Variants in ZNF675 observed in about 807,000 individuals in gnomAD.
ZNF675 encodes the protein zinc finger protein 675, also known as TRAF6 inhibitory zinc finger.
A neutral mutation model predicts 56.1 loss-of-function variants in ZNF675; 36 were observed. The observed-to-expected ratio is 0.64, with a 90% confidence interval of 0.49 to 0.85. ZNF675 has a LOEUF of 0.85. Among genes scored for constraint, ZNF675 ranks in the 40% least tolerant of loss-of-function variants. The pLI, the probability that ZNF675 is intolerant of heterozygous loss-of-function variation, is 0.00. For synonymous variants in ZNF675, 200 were observed against 218.9 expected (o/e 0.91, Z 0.76); for missense variants, 663 against 654.2 (o/e 1.01, Z -0.15).
intron 1 of ZNF675, among the ~76,000 whole-genome samples, chr19:23,677,746 A>G (rs1021416073): frequency 6.6e-6 from 1 of 151,084 alleles, no homozygotes; most frequent in African/African-American, 2.5e-5. Context: ...TGCAGTTGCC[A>G]CAAAAACGAA....
chr19:23,677,631 A>C (rs1968315709), intron 1 of ZNF675, among the ~76,000 whole-genome samples: 1 of 145,114 alleles, frequency 6.9e-6, no homozygotes, highest in Non-Finnish European at 1.5e-5. Context: ...GCTTGAACCC[A>C]GGAGGTGGAG....
chr19:23,661,528 T>C (rs77231873), intron 3 of ZNF675, among the ~76,000 whole-genome samples: 3 of 151,780 alleles, frequency 2.0e-5, no homozygotes, highest in Non-Finnish European at 2.9e-5. Context: ...CCATCTCTAC[T>C]AAAAACACAA....
chr19:23,685,172 T>C (rs1173914088), intron 1 of ZNF675, among the ~76,000 whole-genome samples: 1 of 151,932 alleles, frequency 6.6e-6, no homozygotes, highest in African/African-American at 2.4e-5. Context: ...ACCATGTTAG[T>C]CAGGCTGGTC....
intron 1 of ZNF675, among the ~76,000 whole-genome samples, chr19:23,677,955 G>T (rs1283562969): frequency 6.6e-6 from 1 of 150,904 alleles, no homozygotes; most frequent in Non-Finnish European, 1.5e-5. Flanking sequence ...CCCCATCTCT[G>T]CCTAAAAATA....
In ZNF675 at chr19:23,654,074, C is replaced by T; in HGVS notation, c.859G>A (p.Glu287Lys). The part of the protein sequence containing the change: ...IHTGEKPYKC[E>K]ECGKAFNQFS... ...TGGTTAAAGGCTTTGCCACATTCTT[C>T]ACATTTGTAGGGTTTCTCTCCTGTA... Residue 287 changes from glutamate (E) to lysine (K), a missense_variant, in exon 4 of 4, where the codon GAA (glutamate) becomes AAA (lysine). Transcript: ENST00000359788. 1 of 1,613,674 alleles carries T rather than the reference C, an allele frequency of 6.2e-7. No individual in the cohort carries two copies. Among genetic ancestry groups the T allele is most frequent in the South Asian group, 1.1e-5 (1 of 91,074 alleles).
chr19:23,685,435 T>C (rs1223470678), intron 1 of ZNF675, among the ~76,000 whole-genome samples: 1 of 152,194 alleles, frequency 6.6e-6, no homozygotes, highest in Non-Finnish European at 1.5e-5. Context: ...GTAGATATAT[T>C]GGTTTATTCA....
At chr19:23,679,757 G>A (rs1968351252) in intron 1 of ZNF675, among the ~76,000 whole-genome samples, 2 of 149,818 alleles carry the variant, frequency 1.3e-5, no homozygotes, top group South Asian at 4.2e-4. Context: ...TTGGGATGCA[G>A]AGGCAGGTGG....
At chr19:23,681,578 A>C (rs1384689705) in intron 1 of ZNF675, among the ~76,000 whole-genome samples, 2 of 151,672 alleles carry the variant, frequency 1.3e-5, no homozygotes, top group African/African-American at 4.9e-5. Flanking sequence ...TTTACTGAAC[A>C]CCAAGCAATC....
intron 3 of ZNF675, among the ~76,000 whole-genome samples, chr19:23,658,204 C>CA (rs1218617575): frequency 6.6e-6 from 1 of 151,276 alleles, no homozygotes; most frequent in Non-Finnish European, 1.5e-5. Flanking sequence ...ACTAAAAATG[C>CA]AAAAAAATTA....
At chr19:23,676,536 C>G (rs1968296775) in intron 1 of ZNF675, among the ~76,000 whole-genome samples, 1 of 151,762 alleles carries the variant, frequency 6.6e-6, no homozygotes, top group South Asian at 2.1e-4. Flanking sequence ...CCCTGGAACA[C>G]AAGGTTGGTT....
intron 1 of ZNF675, among the ~76,000 whole-genome samples, chr19:23,671,507 C>T (rs1057174975): frequency 6.6e-6 from 1 of 152,058 alleles, no homozygotes; most frequent in Non-Finnish European, 1.5e-5. Flanking sequence ...AAGCCCCTGC[C>T]AGGTCCCTGC....
At chr19:23,658,039 T>C (rs1470160424) in intron 3 of ZNF675, among the ~76,000 whole-genome samples, 1 of 152,132 alleles carries the variant, frequency 6.6e-6, no homozygotes, top group African/African-American at 2.4e-5. Flanking sequence ...TCATAAAATC[T>C]TGCAGGCAAC....
At chr19:23,656,779 TA>T (rs1488558745) in intron 3 of ZNF675, 3 of 498 alleles carry the variant, frequency 6.0e-3, no homozygotes, top group Non-Finnish European at 0.029. Context: ...TGAGATATCT[TA>T]ATTAGTCACA....
intron 3 of ZNF675, among the ~76,000 whole-genome samples, chr19:23,660,609 A>T (rs1052278699): frequency 6.6e-6 from 1 of 152,206 alleles, no homozygotes; most frequent in Non-Finnish European, 1.5e-5. Context: ...AATAGCATTA[A>T]AATAATAAAT....
At chr19:23,663,352 C>T (rs2144929758) in intron 1 of ZNF675, among the ~76,000 whole-genome samples, 194 bp from the exon 2 acceptor site, 1 of 152,222 alleles carries the variant, frequency 6.6e-6, no homozygotes, top group African/African-American at 2.4e-5. Flanking sequence ...CAGAGTGGCA[C>T]AAGAGCCACA....
intron 3 of ZNF675, chr19:23,657,015 G>A (rs955331133): frequency 1.3e-5 from 2 of 152,138 alleles, no homozygotes; most frequent in African/African-American, 4.8e-5. Context: ...GCTCACTGTA[G>A]CCTCAAACTG....
intron 2 of ZNF675, 83 bp downstream of exon 2, chr19:23,662,949 A>G (rs1208758676): frequency 1.3e-5 from 17 of 1,336,414 alleles, no homozygotes; most frequent in Non-Finnish European, 1.7e-5. Context: ...GCACCACTGC[A>G]CTCTAGCCTG....
chr19:23,685,360 T>G (rs1414923612), intron 1 of ZNF675, among the ~76,000 whole-genome samples: 1 of 152,216 alleles, frequency 6.6e-6, no homozygotes, highest in East Asian at 1.9e-4. Flanking sequence ...TACCTCAGGT[T>G]GTTTTATGAA....
At chr19:23,672,128 G>T (rs1192004916) in intron 1 of ZNF675, among the ~76,000 whole-genome samples, 1 of 151,010 alleles carries the variant, frequency 6.6e-6, no homozygotes, top group African/African-American at 2.4e-5. Context: ...TCCTGGTAGA[G>T]CTCCACAACT....
Sources: allele counts gnomAD v4.1 joint callset (sites outside exome capture counted in the v4.1 genomes callset), GRCh38; gene constraint gnomAD v4.1.1; transcripts MANE v1.5; gene names NCBI Gene and HGNC (gene_info 2026-07-23, HGNC 2026-07-21).